The following MAPKAPK5 variants were observed in gnomAD, a reference collection of about 807,000 sequenced individuals.
MAPKAPK5 encodes the protein MAPK activated protein kinase 5, also known as MAP kinase-activated protein kinase 5.
Under a neutral mutation model 65.1 loss-of-function variants are expected in MAPKAPK5, and 30 were observed. That is an observed-to-expected ratio of 0.46 (90% CI 0.34 to 0.63). The LOEUF (loss-of-function observed/expected upper bound fraction) is 0.63, where lower values mean the gene tolerates loss of function less well. Ranked by LOEUF, MAPKAPK5 falls within the 20% of genes least tolerant of loss-of-function variation. MAPKAPK5 has a pLI of 0.01. For missense variants in MAPKAPK5, 433 were observed against 581.4 expected (o/e 0.74, Z 2.63); for synonymous variants, 179 against 204.6 (o/e 0.87, Z 1.07).
intron 8 of MAPKAPK5, among the ~76,000 whole-genome samples, chr12:111,882,253 G>C (rs1431950431): frequency 1.3e-5 from 2 of 152,184 alleles, no homozygotes; most frequent in African/African-American, 2.4e-5. Flanking sequence ...GGTGGCGGGC[G>C]CCTGTAGTCC....
In MAPKAPK5 at chr12:111,899,587, A is replaced by T. The variant is rs527594536; in HGVS notation, c.*6526A>T. On this transcript the variant is annotated 3_prime_UTR_variant, in exon 14 of 14. Transcript: ENST00000550735. Reference sequence around the variant, plus strand: ...TTGTTACTTATGCAAGGCCAGAAGCACCTGGTTCATCTGAAGGTGAAGAGA... The same window carrying T: ...TTGTTACTTATGCAAGGCCAGAAGCTCCTGGTTCATCTGAAGGTGAAGAGA... The T allele has an allele frequency of 4.0e-6, 1 of 251,678 alleles. No homozygotes were observed. The highest frequency in any genetic ancestry group is 9.3e-5 in the East Asian group (1 of 10,710). The allele number at this position is 251,678 out of a possible 1,614,324, so 15.6% of individuals were successfully genotyped here. A position where few individuals can be genotyped will look rare whatever the true frequency, so the allele number is the denominator to read the frequency against.
chr12:111,866,513 A>G (rs1444790530), intron 3 of MAPKAPK5, among the ~76,000 whole-genome samples: 1 of 152,216 alleles, frequency 6.6e-6, no homozygotes, highest in Non-Finnish European at 1.5e-5. Flanking sequence ...TGCTTATTGA[A>G]GAAGGTACTT....
At chr12:111,871,310 C>T in intron 7 of MAPKAPK5, 130 bp downstream of exon 7, 1 of 700,434 alleles carries the variant, frequency 1.4e-6, no homozygotes, top group South Asian at 2.1e-5. Context: ...TAGAAACCTA[C>T]AGATTGCTTT....
At chr12:111,872,915 G>A (rs1198580706) in intron 7 of MAPKAPK5, among the ~76,000 whole-genome samples, 4 of 152,042 alleles carry the variant, frequency 2.6e-5, no homozygotes, top group Non-Finnish European at 5.9e-5. Flanking sequence ...TAATCCCAGG[G>A]ATTATAACAT....
chr12:111,849,652 A>G (rs2069009377), intron 1 of MAPKAPK5, among the ~76,000 whole-genome samples: 1 of 152,218 alleles, frequency 6.6e-6, no homozygotes, highest in Admixed American at 6.5e-5. Flanking sequence ...TTTTCATTTT[A>G]TAATGGTGTC....
In MAPKAPK5 at chr12:111,896,382, T is replaced by C. The variant is rs1367177067; in HGVS notation, c.*3321T>C. ...GGAAGTTTGTGAACACTCTGGAGGA[T>C]GCCCCAGCTGTTGTAATGCAACAGC... On this transcript the variant is annotated 3_prime_UTR_variant, in exon 14 of 14. Transcript: ENST00000550735. The C allele has an allele frequency of 6.6e-6, 1 of 152,080 alleles. No individual in the cohort carries two copies. The highest frequency in any genetic ancestry group is 1.5e-5 in the Non-Finnish European group (1 of 68,012). The allele number at this position is 152,080 out of a possible 1,614,324, so 9.4% of individuals were successfully genotyped here. A position where few individuals can be genotyped will look rare whatever the true frequency, so the allele number is the denominator to read the frequency against.
chr12:111,884,816 C>T (rs2070351933), intron 9 of MAPKAPK5, among the ~76,000 whole-genome samples: 1 of 152,006 alleles, frequency 6.6e-6, no homozygotes, highest in Admixed American at 6.6e-5. Flanking sequence ...AGCTGTCTCC[C>T]AACAGTACAG....
intron 7 of MAPKAPK5, among the ~76,000 whole-genome samples, chr12:111,875,357 TGG>T (rs915516557): frequency 6.6e-6 from 1 of 152,126 alleles, no homozygotes; most frequent in Non-Finnish European, 1.5e-5. Context: ...TGTTACCTTA[TGG>T]TTAGGTGGGA....
chr12:111,853,430 T>A (rs1324824124), intron 1 of MAPKAPK5, among the ~76,000 whole-genome samples: 1 of 152,126 alleles, frequency 6.6e-6, no homozygotes, highest in Non-Finnish European at 1.5e-5. Context: ...TTGTCACTAG[T>A]GTATGGAAAT....
chr12:111,896,522 C>G lies in MAPKAPK5; in HGVS notation c.*3461C>G, dbSNP rs2070823154. 1 of 152,172 alleles carries G rather than the reference C, an allele frequency of 6.6e-6. No homozygotes were observed. Among genetic ancestry groups the G allele is most frequent in the African/African-American group, 2.4e-5 (1 of 41,450 alleles). 9.4% of individuals were successfully genotyped at this position (152,172 alleles called of 1,614,324 possible). A position where few individuals can be genotyped will look rare whatever the true frequency, so the allele number is the denominator to read the frequency against. On this transcript the variant is annotated 3_prime_UTR_variant, in exon 14 of 14. Coordinates refer to ENST00000550735, the MANE Select transcript of MAPKAPK5 (RefSeq NM_003668.4). ...GTAAATTCTGCTTTAACATAACTGT[C>G]AGGTTTGCTACTCGAAATTTGCACA...
chr12:111,891,680 G>C (rs1304949550), intron 13 of MAPKAPK5, among the ~76,000 whole-genome samples: 1 of 149,400 alleles, frequency 6.7e-6, no homozygotes, highest in African/African-American at 2.5e-5. Context: ...GGTGGCATGC[G>C]CCTGTAGTTC....
chr12:111,853,773 G>A (rs2136079046), intron 1 of MAPKAPK5, among the ~76,000 whole-genome samples: 1 of 152,212 alleles, frequency 6.6e-6, no homozygotes, highest in East Asian at 1.9e-4. Flanking sequence ...GACCTCAGGT[G>A]ATCCACCCGC....
chr12:111,849,318 C>T (rs1215356187), intron 1 of MAPKAPK5, among the ~76,000 whole-genome samples: 2 of 150,398 alleles, frequency 1.3e-5, no homozygotes, highest in South Asian at 2.1e-4. Flanking sequence ...TGCAATGGCA[C>T]GATCTTGGCT....
chr12:111,856,580 T>A (rs1200780591), intron 1 of MAPKAPK5, among the ~76,000 whole-genome samples: 3 of 151,984 alleles, frequency 2.0e-5, no homozygotes, highest in Admixed American at 1.3e-4. Flanking sequence ...CTAATTTTTG[T>A]ATTTTTAGTA....
intron 1 of MAPKAPK5, among the ~76,000 whole-genome samples, chr12:111,856,366 C>T (rs2069239912): frequency 6.7e-6 from 1 of 150,208 alleles, no homozygotes; most frequent in Admixed American, 6.7e-5. Context: ...ATAGAAAATG[C>T]TCCAGTTTAG....
rs1427207113 is a variant in MAPKAPK5 at position 111,883,215 on chromosome 12, A to T, written c.661-366A>T. Among the ~76,000 whole-genome samples the T allele has an allele frequency of 2.6e-5, 4 of 152,130 alleles. No individual in the cohort carries two copies. Among genetic ancestry groups the T allele is most frequent in the Non-Finnish European group, 5.9e-5 (4 of 68,006 alleles). ...GTGAAAGCCTATCTCTACTAAAAAA[A>T]AAATACAAAAATTAGCCAGGCGGCA... On this transcript the variant is annotated intron_variant, in intron 8 of 13. Transcript: ENST00000550735. This position sits in a 1 kb window ranked among gnomAD's most constrained non-coding sequence, Gnocchi z 4.8.
At chr12:111,861,741 A>G (rs986976389) in intron 1 of MAPKAPK5, among the ~76,000 whole-genome samples, 1 of 152,236 alleles carries the variant, frequency 6.6e-6, no homozygotes, top group Admixed American at 6.5e-5. Flanking sequence ...AAAGGGTGAT[A>G]TAGGAAATAT....
At chr12:111,857,526 T>C (rs148447118) in intron 1 of MAPKAPK5, among the ~76,000 whole-genome samples, 1 of 152,310 alleles carries the variant, frequency 6.6e-6, no homozygotes, top group African/African-American at 2.4e-5. Flanking sequence ...AGTGCTAGGA[T>C]TACAGACGTG....
intron 1 of MAPKAPK5, among the ~76,000 whole-genome samples, chr12:111,848,937 T>G (rs1223327175): frequency 6.6e-6 from 1 of 151,986 alleles, no homozygotes; most frequent in East Asian, 1.9e-4. Flanking sequence ...TTATTTTTTG[T>G]ATTTTTAGTA....
Sources: gnomAD v4.1 joint callset for allele counts (sites outside exome capture counted in the v4.1 genomes callset) on GRCh38, gnomAD v4.1.1 for gene constraint, Gnocchi (gnomAD v3.1) non-coding constraint, MANE v1.5 for transcripts, NCBI Gene and HGNC (gene_info 2026-07-23, HGNC 2026-07-21) for gene names.